SPRED1: variants seen among roughly 807,000 people sequenced by gnomAD.
SPRED1 encodes the protein sprouty related EVH1 domain containing 1.
SPRED1 carries 18 observed loss-of-function variants against 52.3 expected under a neutral mutation model. That is an observed-to-expected ratio of 0.34 (90% CI 0.24 to 0.51). The LOEUF (loss-of-function observed/expected upper bound fraction) is 0.51. SPRED1 is among the 20% of genes least tolerant of loss of function. The pLI, the probability that SPRED1 is intolerant of heterozygous loss-of-function variation, is 0.97. For synonymous variants in SPRED1, 155 were observed against 179.7 expected, an observed-to-expected ratio of 0.86 and a Z score of 1.10; for missense variants, 485 against 551.0, an observed-to-expected ratio of 0.88 and a Z score of 1.20.
At chr15:38,332,411 C>G (rs570551201) in intron 4 of SPRED1, among the ~76,000 whole-genome samples, 20 of 151,844 alleles carry the variant, frequency 1.3e-4, no homozygotes, top group Middle Eastern at 3.2e-3. Flanking sequence ...CTGTCTCTAC[C>G]AAAAGCAAAA....
At chr15:38,253,552 T>C (rs549353555) in intron 1 of SPRED1, among the ~76,000 whole-genome samples, 1 of 152,140 alleles carries the variant, frequency 6.6e-6, no homozygotes, top group African/African-American at 2.4e-5. Flanking sequence ...TTCACTCACA[T>C]ACCAGTCACC....
At chr15:38,332,103 T>C (rs1335996885) in intron 4 of SPRED1, among the ~76,000 whole-genome samples, 10 of 152,146 alleles carry the variant, frequency 6.6e-5, no homozygotes, top group African/African-American at 2.4e-4. Flanking sequence ...GAGCACTGTG[T>C]GGATAGACTG....
intron 1 of SPRED1, among the ~76,000 whole-genome samples, chr15:38,288,460 G>A (rs1386054990): frequency 6.6e-6 from 1 of 152,130 alleles, no homozygotes; most frequent in East Asian, 1.9e-4. Flanking sequence ...GCATTATGAG[G>A]AAGATAAAAC....
At chr15:38,263,752 T>C (rs183514843) in intron 1 of SPRED1, among the ~76,000 whole-genome samples, 12 of 152,256 alleles carry the variant, frequency 7.9e-5, no homozygotes, top group African/African-American at 2.9e-4. Flanking sequence ...TGGTCTACTT[T>C]GGAAGAATTG....
intron 4 of SPRED1, among the ~76,000 whole-genome samples, chr15:38,336,380 A>ATGTATGTGTGTGTGTGTG (rs1895915507): frequency 7.4e-6 from 1 of 134,316 alleles, no homozygotes; most frequent in Admixed American, 7.9e-5. Context: ...GATAAAGAAA[A>ATGTATGTGTGTGTGTGTG]TGTGTGTGTG....
intron 3 of SPRED1, among the ~76,000 whole-genome samples, chr15:38,323,389 A>G (rs919932131): frequency 6.6e-6 from 1 of 151,982 alleles, no homozygotes; most frequent in African/African-American, 2.4e-5. Flanking sequence ...TTATTGTAAG[A>G]CCCCATAAAT....
At chr15:38,290,487 A>G (rs890322110) in intron 1 of SPRED1, among the ~76,000 whole-genome samples, 5 of 152,154 alleles carry the variant, frequency 3.3e-5, no homozygotes, top group Non-Finnish European at 5.9e-5. Context: ...TGCATTATAT[A>G]AACAGTTTGT....
chr15:38,328,479 T>TA, intron 4 of SPRED1, among the ~76,000 whole-genome samples: 1 of 152,354 alleles, frequency 6.6e-6, no homozygotes, highest in Non-Finnish European at 1.5e-5. Context: ...TTCTATTTCA[T>TA]ATCTGTCTTT....
At chr15:38,322,509 A>G (rs887402466) in intron 3 of SPRED1, 100 bp downstream of exon 3, 1 of 1,248,144 alleles carries the variant, frequency 8.0e-7, no homozygotes, top group Non-Finnish European at 1.2e-6. Flanking sequence ...CACTTTAACC[A>G]TGTCAGCTTT....
chr15:38,253,851 G>A (rs576683240), intron 1 of SPRED1, among the ~76,000 whole-genome samples: 1 of 152,286 alleles, frequency 6.6e-6, no homozygotes, highest in South Asian at 2.1e-4. Flanking sequence ...TATTGGACGT[G>A]TCTTCAGGAA....
intron 5 of SPRED1, among the ~76,000 whole-genome samples, chr15:38,346,810 T>C (rs1440421451): frequency 1.3e-5 from 2 of 152,266 alleles, no homozygotes; most frequent in East Asian, 3.9e-4. Context: ...CTGGGACAAA[T>C]TGGACTTTAG....
At position 38,351,866 on chromosome 15, in the gene SPRED1, G is replaced by A. The variant is rs1888497355; in HGVS notation, c.*202G>A. ...GAGTGCATGGCATGTTTTGTTACAG[G>A]TTGTAGAGTATTTGCAGAAGGAAAC... is the stretch of plus-strand genomic sequence containing the variant. On this transcript the variant is annotated 3_prime_UTR_variant, in exon 7 of 7. Transcript: ENST00000299084. The A allele has an allele frequency of 4.7e-6, 3 of 641,058 alleles. No individual in the cohort carries two copies. The highest frequency in any genetic ancestry group is 3.9e-5 in the South Asian group (2 of 51,292). The allele number at this position is 641,058 out of a possible 1,614,324, so 39.7% of individuals were successfully genotyped here.
intron 1 of SPRED1, among the ~76,000 whole-genome samples, chr15:38,267,896 G>A (rs1404336136): frequency 1.3e-5 from 2 of 152,124 alleles, no homozygotes; most frequent in African/African-American, 4.8e-5. Context: ...ATACACGCAC[G>A]TATGCCCATA....
intron 4 of SPRED1, among the ~76,000 whole-genome samples, chr15:38,334,481 C>A (rs563705467): frequency 1.3e-5 from 2 of 151,940 alleles, no homozygotes; most frequent in Non-Finnish European, 2.9e-5. Context: ...GGAGAGAGAA[C>A]CCATGAATCC....
chr15:38,286,536 T>C (rs1894814871), intron 1 of SPRED1, among the ~76,000 whole-genome samples: 1 of 61,636 alleles, frequency 1.6e-5, no homozygotes, highest in African/African-American at 3.9e-5. Flanking sequence ...TAATCATTAC[T>C]TATGGCTTTT....
intron 1 of SPRED1, among the ~76,000 whole-genome samples, chr15:38,297,944 T>G (rs1895072188): frequency 6.6e-6 from 1 of 152,184 alleles, no homozygotes; most frequent in South Asian, 2.1e-4. Context: ...TTCTCACTCT[T>G]AACCACAACC....
intron 5 of SPRED1, among the ~76,000 whole-genome samples, chr15:38,345,772 T>G (rs528097378): frequency 6.6e-6 from 1 of 152,284 alleles, no homozygotes; most frequent in East Asian, 1.9e-4. Flanking sequence ...CCTTACTTGC[T>G]GAGGAAGGAG....
chr15:38,336,380 A>G (rs943449339), intron 4 of SPRED1, among the ~76,000 whole-genome samples: 2 of 134,302 alleles, frequency 1.5e-5, no homozygotes, highest in Admixed American at 7.9e-5. Context: ...GATAAAGAAA[A>G]TGTGTGTGTG....
chr15:38,264,380 T>C (rs1266766485), intron 1 of SPRED1, among the ~76,000 whole-genome samples: 4 of 152,200 alleles, frequency 2.6e-5, no homozygotes, highest in Admixed American at 6.5e-5. Flanking sequence ...ATAGAACTGA[T>C]AGCTGTTTTG....
Sources: gnomAD v4.1 joint callset for allele counts (sites outside exome capture counted in the v4.1 genomes callset) on GRCh38, gnomAD v4.1.1 for gene constraint, MANE v1.5 for transcripts, NCBI Gene and HGNC (gene_info 2026-07-23, HGNC 2026-07-21) for gene names.